Variants in ELK3 observed in about 807,000 individuals in gnomAD.
The protein encoded by ELK3 is ETS domain-containing protein Elk-3.
Under a neutral mutation model 28.9 loss-of-function variants are expected in ELK3, and 10 were observed. The ratio of observed to expected loss-of-function variants is 0.35; its 90% CI spans 0.21 to 0.59. The LOEUF (loss-of-function observed/expected upper bound fraction) is 0.59, where lower values mean the gene tolerates loss of function less well. Among genes scored for constraint, ELK3 ranks in the 20% least tolerant of loss-of-function variants. The pLI is 0.82. For synonymous variants in ELK3, 272 were observed against 243.5 expected, an observed-to-expected ratio of 1.12 and a Z score of -1.09; for missense variants, 463 against 517.3, an observed-to-expected ratio of 0.90 and a Z score of 1.02.
chr12:96,227,845 T>C (rs528745952), intron 2 of ELK3, among the ~76,000 whole-genome samples: 3 of 152,242 alleles, frequency 2.0e-5, no homozygotes, highest in African/African-American at 4.8e-5. Context: ...AAAGTGGGTA[T>C]AATAGTAGAG....
chr12:96,213,233 A>G (rs1473996338), intron 1 of ELK3, among the ~76,000 whole-genome samples: 1 of 152,224 alleles, frequency 6.6e-6, no homozygotes, highest in African/African-American at 2.4e-5. Flanking sequence ...TTTGTGCTAC[A>G]GAGAAATAGG....
chr12:96,264,491 C>CAA (rs1017879278), intron 4 of ELK3, among the ~76,000 whole-genome samples: 8 of 152,064 alleles, frequency 5.3e-5, no homozygotes, highest in Non-Finnish European at 1.2e-4. Flanking sequence ...TACTAAATAA[C>CAA]AATAGTTAAG....
At chr12:96,217,655 G>T (rs1445934197) in intron 1 of ELK3, among the ~76,000 whole-genome samples, 1 of 152,094 alleles carries the variant, frequency 6.6e-6, no homozygotes, top group South Asian at 2.1e-4. Flanking sequence ...CAATTCCTCA[G>T]CTGGGCACAG....
intron 3 of ELK3, among the ~76,000 whole-genome samples, chr12:96,259,133 C>CA (rs1342425777): frequency 4.6e-5 from 7 of 152,150 alleles, no homozygotes; most frequent in Admixed American, 4.6e-4. Context: ...GGAAGGGGAA[C>CA]AAGTTAACAA....
chr12:96,205,618 A>C (rs956622404), intron 1 of ELK3, among the ~76,000 whole-genome samples: 1 of 152,218 alleles, frequency 6.6e-6, no homozygotes, highest in Non-Finnish European at 1.5e-5. Context: ...CACTGGGATT[A>C]CAGGCTTGAG....
chr12:96,226,770 G>A lies in ELK3; in HGVS notation c.207+2997G>A, dbSNP rs376060801. Among the ~76,000 whole-genome samples, 59 of 151,896 alleles carry A rather than the reference G, an allele frequency of 3.9e-4. 1 individual carries two copies. The highest frequency in any genetic ancestry group is 1.4e-3 in the African/African-American group (56 of 41,182). On this transcript the variant is annotated intron_variant, in intron 2 of 4. Transcript: ENST00000228741. ...AATGCTCTCAAGTGATGAGCAAGAC[G>A]GAAAGTTAGACTCTTAATACAGTTT...
chr12:96,247,673 T>A lies in ELK3; in HGVS notation c.941T>A (p.Ile314Asn). The change falls in exon 3 of 5, where the codon ATC becomes AAC. Residue 314 changes from isoleucine to asparagine, a missense_variant. Ile to Asn is a moderately radical substitution (Grantham distance 149). Coordinates refer to ENST00000228741, the MANE Select transcript of ELK3 (RefSeq NM_005230.4). This position sits in a 1 kb window ranked among gnomAD's most constrained non-coding sequence, Gnocchi z 5.5. ...LVLSGTDIGS[I>N]ALNSPALPSG... ...CTCTCCGGCACCGACATCGGCTCCA[T>A]CGCCCTCAACAGCCCAGCCCTCCCC... 6.2e-7 allele frequency: 1 copy of A among 1,612,108 alleles called. No homozygotes were observed. Among genetic ancestry groups the A allele is most frequent in the South Asian group, 1.1e-5 (1 of 90,998 alleles).
At chr12:96,215,487 C>A (rs1951606586) in intron 1 of ELK3, among the ~76,000 whole-genome samples, 1 of 152,078 alleles carries the variant, frequency 6.6e-6, no homozygotes. Context: ...TGACAGCTCT[C>A]ACGTAGGCGG....
rs12311175 is a variant in ELK3, at chr12:96,207,212, T to C, written c.-3+12507T>C. 6.1e-3 allele frequency among the ~76,000 whole-genome samples: 934 copies of C among 152,360 alleles called. 15 individuals carry two copies. Among genetic ancestry groups the C allele is most frequent in the African/African-American group, 0.021 (891 of 41,584 alleles). ...TTAACACCACTGTGTTTTTACTTCC[T>C]GTTAAAATTAACTTTATTAGAGGTG... is the stretch of plus-strand genomic sequence containing the variant. On this transcript the variant is annotated intron_variant, in intron 1 of 4. Transcript: ENST00000228741.
intron 2 of ELK3, 119 bp downstream of exon 2, chr12:96,223,892 A>G (rs1951680815): frequency 1.0e-6 from 1 of 995,070 alleles, no homozygotes. Flanking sequence ...AAATAGGGGC[A>G]GTGCATACCT....
chr12:96,259,933 G>C, intron 4 of ELK3, 80 bp downstream of exon 4: 1 of 1,478,746 alleles, frequency 6.8e-7, no homozygotes, highest in African/African-American at 1.4e-5. Flanking sequence ...AGGTAACGGT[G>C]AGTTTTGCCA....
intron 1 of ELK3, among the ~76,000 whole-genome samples, chr12:96,202,218 C>G (rs776829786): frequency 2.0e-5 from 3 of 152,284 alleles, no homozygotes; most frequent in Non-Finnish European, 4.4e-5. Context: ...GTGACTTCAG[C>G]TTAGGATAAA....
intron 4 of ELK3, 119 bp from the exon 5 acceptor site, chr12:96,266,963 C>T: frequency 1.5e-6 from 1 of 676,754 alleles, no homozygotes; most frequent in East Asian, 3.1e-5. Flanking sequence ...GGCAACTAAT[C>T]TCTATCACAG....
At chr12:96,212,955 G>C (rs969806429) in intron 1 of ELK3, 2 of 152,158 alleles carry the variant, frequency 1.3e-5, no homozygotes, top group Non-Finnish European at 2.9e-5. Flanking sequence ...ACCCATCTTA[G>C]AGAAATCGAG....
At chr12:96,226,516 C>CCACCTGCA (rs1555194230) in intron 2 of ELK3, among the ~76,000 whole-genome samples, 1 of 150,024 alleles carries the variant, frequency 6.7e-6, no homozygotes, top group African/African-American at 2.4e-5. Context: ...ACACCCATGC[C>CCACCTGCA]CACACAGATG....
intron 2 of ELK3, among the ~76,000 whole-genome samples, chr12:96,227,021 A>AT (rs1266576046): frequency 6.6e-6 from 1 of 152,196 alleles, no homozygotes; most frequent in Non-Finnish European, 1.5e-5. Context: ...GACTGTGTGC[A>AT]TTGCCCGTCT....
At position 96,268,087 on chromosome 12, in the gene ELK3, ATAAG is replaced by A. The variant is rs1204204849; in HGVS notation, c.*913_*916del. 2 of 152,254 alleles carry A rather than the reference ATAAG, an allele frequency of 1.3e-5. No homozygotes were observed. Among genetic ancestry groups the A allele is most frequent in the East Asian group, 3.8e-4 (2 of 5,198 alleles). The allele number at this position is 152,254 out of a possible 1,614,324, so 9.4% of individuals were successfully genotyped here. On this transcript the variant is annotated 3_prime_UTR_variant, in exon 5 of 5. Coordinates refer to ENST00000228741, the MANE Select transcript of ELK3 (RefSeq NM_005230.4). The stretch of plus-strand genomic sequence containing the variant: ...CATCTGATATATTTACTGTGTCAGT[ATAAG>A]TAAGTTGGGGTTCCCCTGGAACTAT...
chr12:96,225,080 C>A (rs547989511), intron 2 of ELK3, among the ~76,000 whole-genome samples: 1 of 152,198 alleles, frequency 6.6e-6, no homozygotes, highest in Admixed American at 6.5e-5. Context: ...AAAAGCACTT[C>A]TTGCAAATTG....
At chr12:96,199,516 CCTT>C (rs1262307223) in intron 1 of ELK3, among the ~76,000 whole-genome samples, 1 of 116,520 alleles carries the variant, frequency 8.6e-6, no homozygotes, top group Non-Finnish European at 1.9e-5. Flanking sequence ...GTGTGTGTGA[CCTT>C]CTGTGAAATT....
Sources: gnomAD v4.1 joint callset for allele counts (sites outside exome capture counted in the v4.1 genomes callset) on GRCh38, gnomAD v4.1.1 for gene constraint, Gnocchi (gnomAD v3.1) non-coding constraint, MANE v1.5 for transcripts, NCBI Gene and HGNC (gene_info 2026-07-23, HGNC 2026-07-21) for gene names.